The following DLC1 variants were observed in gnomAD, a reference collection of about 807,000 sequenced individuals.
The protein encoded by DLC1 is DLC1 Rho GTPase activating protein, also known as rho GTPase-activating protein 7.
A neutral mutation model predicts 140.3 loss-of-function variants in DLC1; 54 were observed. The observed-to-expected ratio is 0.38, with a 90% CI of 0.31 to 0.48. DLC1 has a LOEUF of 0.48. DLC1 is among the 20% of genes least tolerant of loss of function. The pLI is 0.96. For missense variants in DLC1, 2,536 were observed against 1,907.0 expected (o/e 1.33, Z -6.14); for synonymous variants, 986 against 728.1 (o/e 1.35, Z -5.70).
intron 5 of DLC1, among the ~76,000 whole-genome samples, chr8:13,140,429 C>T (rs1822892968): frequency 2.0e-5 from 3 of 151,810 alleles, no homozygotes; most frequent in East Asian, 1.9e-4. Context: ...GATGGAGTGT[C>T]GTCATGTTGC....
intron 1 of DLC1, among the ~76,000 whole-genome samples, chr8:13,512,050 A>G (rs1219148421): frequency 6.6e-6 from 1 of 152,112 alleles, no homozygotes; most frequent in East Asian, 1.9e-4. Flanking sequence ...TTATGAAGAA[A>G]ATGAAGTGAT....
intron 5 of DLC1, among the ~76,000 whole-genome samples, chr8:13,282,403 A>C (rs112602226): frequency 0.034 from 5,184 of 152,242 alleles, 143 homozygotes; most frequent in African/African-American, 0.074. Context: ...TTTCTATGTC[A>C]TGATTTCAGG....
At chr8:13,297,883 T>A (rs1228956130) in intron 5 of DLC1, among the ~76,000 whole-genome samples, 1 of 152,184 alleles carries the variant, frequency 6.6e-6, no homozygotes, top group Non-Finnish European at 1.5e-5. Flanking sequence ...TTTGTTGTTG[T>A]TGTTGTTGTT....
chr8:13,395,046 TATCTATTA>T (rs1836967370), intron 3 of DLC1, among the ~76,000 whole-genome samples: 11 of 148,424 alleles, frequency 7.4e-5, no homozygotes, highest in South Asian at 2.2e-4. Flanking sequence ...TCTATCTATC[TATCTATTA>T]GGTACCTATC....
chr8:13,253,462 T>C (rs73543934), intron 5 of DLC1, among the ~76,000 whole-genome samples: 35,470 of 151,968 alleles, frequency 0.23, 4,295 homozygotes, highest in South Asian at 0.34. Context: ...ATTGTATGTG[T>C]GGTGTTTAGA....
chr8:13,132,978 C>T (rs1345260040), intron 5 of DLC1: 8 of 1,611,240 alleles, frequency 5.0e-6, no homozygotes, highest in Non-Finnish European at 6.8e-6. Context: ...TCTTTCTGCA[C>T]ATCAAGCACG....
chr8:13,149,027 C>A (rs529222168), intron 5 of DLC1, among the ~76,000 whole-genome samples: 47 of 152,230 alleles, frequency 3.1e-4, no homozygotes, highest in African/African-American at 1.1e-3. Flanking sequence ...CTCCTGACCT[C>A]GTGATCTGCC....
At chr8:13,381,837 A>C (rs989764736) in intron 4 of DLC1, among the ~76,000 whole-genome samples, 8 of 152,212 alleles carry the variant, frequency 5.3e-5, no homozygotes, top group African/African-American at 1.9e-4. Context: ...TTATGCAGCA[A>C]TAGATGGCTG....
chr8:13,444,540 A>T (rs1025129584), intron 2 of DLC1, among the ~76,000 whole-genome samples: 2 of 152,200 alleles, frequency 1.3e-5, no homozygotes, highest in African/African-American at 4.8e-5. Flanking sequence ...GTTTAGGTGC[A>T]TTCTACACTA....
chr8:13,120,503 G>A (rs1301451596), intron 5 of DLC1, among the ~76,000 whole-genome samples: 1 of 151,446 alleles, frequency 6.6e-6, no homozygotes, highest in East Asian at 1.9e-4. Flanking sequence ...GTTTTGGGGG[G>A]CCTCTAACAC....
intron 5 of DLC1, among the ~76,000 whole-genome samples, chr8:13,217,975 C>T (rs948574092): frequency 1.3e-5 from 2 of 152,114 alleles, no homozygotes; most frequent in African/African-American, 4.8e-5. Flanking sequence ...TTAGCCCTTA[C>T]ATAAAATACC....
chr8:13,206,639 G>A (rs943296961), intron 5 of DLC1, among the ~76,000 whole-genome samples: 10 of 151,872 alleles, frequency 6.6e-5, no homozygotes, highest in South Asian at 6.2e-4. Context: ...ATTAATAAAC[G>A]AGCTATTTTA....
intron 2 of DLC1, among the ~76,000 whole-genome samples, chr8:13,453,424 G>GTGTATATATATATATATATATA (rs1563359808): frequency 5.3e-5 from 3 of 56,516 alleles, no homozygotes; most frequent in South Asian, 4.9e-4. Flanking sequence ...ATATATATAT[G>GTGTATATATATATATATATATA]TGTATATATA....
At chr8:13,491,000 C>CGT (rs1801209194) in intron 2 of DLC1, among the ~76,000 whole-genome samples, 1 of 146,650 alleles carries the variant, frequency 6.8e-6, no homozygotes, top group Non-Finnish European at 1.5e-5. Context: ...CACACACACA[C>CGT]ATATATATAT....
intron 5 of DLC1, among the ~76,000 whole-genome samples, chr8:13,247,030 A>T (rs1829794373): frequency 6.6e-6 from 1 of 152,212 alleles, no homozygotes; most frequent in Non-Finnish European, 1.5e-5. Context: ...GTTAACAAGA[A>T]TGCCATCCTG....
chr8:13,492,473 CT>C (rs36107119), intron 2 of DLC1, among the ~76,000 whole-genome samples: 127,562 of 150,946 alleles, frequency 0.85, 54,795 homozygotes, highest in Non-Finnish European at 0.94. Context: ...TTAGCCTGTC[CT>C]TTTTTTTCTA....
chr8:13,365,827 A>C (rs912811828), intron 4 of DLC1, among the ~76,000 whole-genome samples: 7 of 152,148 alleles, frequency 4.6e-5, no homozygotes, highest in Non-Finnish European at 1.0e-4. Context: ...TCTCAGCCCT[A>C]TTCTTAAAAA....
intron 4 of DLC1, among the ~76,000 whole-genome samples, chr8:13,351,414 A>G (rs1834657439): frequency 1.3e-5 from 2 of 152,212 alleles, no homozygotes; most frequent in Admixed American, 1.3e-4. Flanking sequence ...GTTTTCCTAT[A>G]TAATTACTTA....
At chr8:13,148,119 A>AT (rs71541608) in intron 5 of DLC1, among the ~76,000 whole-genome samples, 36,080 of 149,606 alleles carry the variant, frequency 0.24, 4,486 homozygotes, top group East Asian at 0.34. Flanking sequence ...AAGATGTTTG[A>AT]TTTTTTTTTT....
Sources: allele counts gnomAD v4.1 joint callset (sites outside exome capture counted in the v4.1 genomes callset), GRCh38; gene constraint gnomAD v4.1.1; transcripts MANE v1.5; gene names NCBI Gene and HGNC (gene_info 2026-07-23, HGNC 2026-07-21).